Variants in SYNPR observed in about 807,000 individuals in gnomAD.
SYNPR encodes synaptoporin.
A neutral mutation model predicts 32.9 loss-of-function variants in SYNPR; 23 were observed. That is an observed-to-expected ratio of 0.70 (90% CI 0.50 to 0.99). SYNPR has a LOEUF of 0.99. Ranked by LOEUF, SYNPR falls within the 50% of genes least tolerant of loss-of-function variation. The pLI, the probability that SYNPR is intolerant of heterozygous loss-of-function variation, is 0.00. For missense variants in SYNPR, 318 were observed against 349.3 expected, an observed-to-expected ratio of 0.91 and a Z score of 0.71; for synonymous variants, 146 against 135.9, an observed-to-expected ratio of 1.07 and a Z score of -0.52.
chr3:63,549,032 A>G (rs1271597142), intron 3 of SYNPR, among the ~76,000 whole-genome samples: 1 of 152,228 alleles, frequency 6.6e-6, no homozygotes, highest in Non-Finnish European at 1.5e-5. Flanking sequence ...CTATTAAAAA[A>G]TCACACCACA....
chr3:63,475,082 T>C (rs1448130840), intron 2 of SYNPR, among the ~76,000 whole-genome samples: 1 of 152,210 alleles, frequency 6.6e-6, no homozygotes, highest in Non-Finnish European at 1.5e-5. Flanking sequence ...ACTGCAAAGA[T>C]ATCGTTACTG....
intron 4 of SYNPR, among the ~76,000 whole-genome samples, chr3:63,581,798 A>T (rs575589990): frequency 2.6e-5 from 4 of 152,204 alleles, no homozygotes; most frequent in African/African-American, 9.6e-5. Flanking sequence ...TATTACAAAA[A>T]AAAAAATTAA....
chr3:63,508,732 A>G (rs1701638011), intron 3 of SYNPR, among the ~76,000 whole-genome samples: 1 of 152,148 alleles, frequency 6.6e-6, no homozygotes, highest in Non-Finnish European at 1.5e-5. Flanking sequence ...TGATTGGTCC[A>G]ACCTGAACCA....
intron 2 of SYNPR, among the ~76,000 whole-genome samples, chr3:63,477,273 C>A (rs1700946736): frequency 6.6e-6 from 1 of 152,146 alleles, no homozygotes; most frequent in Non-Finnish European, 1.5e-5. Flanking sequence ...CGGGACCAGG[C>A]CACTGGCAGA....
At chr3:63,519,732 A>T (rs1701870270) in intron 3 of SYNPR, among the ~76,000 whole-genome samples, 1 of 152,246 alleles carries the variant, frequency 6.6e-6, no homozygotes, top group Admixed American at 6.5e-5. Flanking sequence ...GATGCTAAGC[A>T]GTAACATGCT....
chr3:63,288,492 A>G lies in SYNPR; in HGVS notation c.84+9750A>G, dbSNP rs17068105. Among the ~76,000 whole-genome samples the G allele has an allele frequency of 5.7e-3, 864 of 152,328 alleles. 8 individuals are homozygous for G. The highest frequency in any genetic ancestry group is 0.02 in the African/African-American group (826 of 41,572). ...GATTAGGGGATAGCTGAGTGGATTC[A>G]CACTGATAATATTATCCAAAGAGGT... On this transcript the variant is annotated intron_variant, in intron 2 of 5. Coordinates refer to ENST00000478300, the MANE Select transcript of SYNPR (RefSeq NM_001130003.2).
intron 2 of SYNPR, among the ~76,000 whole-genome samples, chr3:63,311,500 G>C (rs1002119797): frequency 2.0e-5 from 3 of 151,986 alleles, no homozygotes; most frequent in Admixed American, 6.6e-5. Context: ...GTGCAAGTGA[G>C]GGATCTAGGT....
chr3:63,562,291 A>G lies in SYNPR; in HGVS notation c.408+5550A>G, dbSNP rs144482803. On this transcript the variant is annotated intron_variant, in intron 4 of 5. Coordinates refer to ENST00000478300, the MANE Select transcript of SYNPR (RefSeq NM_001130003.2). ...TAAAGCAGATTTTTAAAAGCAACTT[A>G]TCTTACAAGACTGACAGAATGCTTG... Among the ~76,000 whole-genome samples the G allele has an allele frequency of 5.6e-4, 85 of 152,332 alleles. 1 individual carries two copies. In the Middle Eastern group the frequency reaches 0.01, roughly 18 times the overall value.
At chr3:63,361,541 T>C (rs887815936) in intron 2 of SYNPR, among the ~76,000 whole-genome samples, 2 of 142,314 alleles carry the variant, frequency 1.4e-5, no homozygotes, top group African/African-American at 2.7e-5. Context: ...GAGCTTGCAG[T>C]GAGCAGAGAT....
intron 2 of SYNPR, among the ~76,000 whole-genome samples, chr3:63,299,350 C>T (rs7644927): frequency 0.12 from 18,683 of 152,136 alleles, 1,260 homozygotes; most frequent in Non-Finnish European, 0.16. Context: ...TGCCCAATCT[C>T]TCTGACTCTT....
intron 3 of SYNPR, among the ~76,000 whole-genome samples, chr3:63,533,903 A>G (rs1372098426): frequency 6.6e-6 from 1 of 152,150 alleles, no homozygotes; most frequent in Non-Finnish European, 1.5e-5. Flanking sequence ...ACAAAAGAAG[A>G]GAGATTGAGT....
chr3:63,518,168 A>T (rs1460252564), intron 3 of SYNPR, among the ~76,000 whole-genome samples: 3 of 152,112 alleles, frequency 2.0e-5, no homozygotes, highest in Admixed American at 2.0e-4. Flanking sequence ...CTTTCACACC[A>T]AGTCTATCCC....
chr3:63,400,863 A>G (rs1290278883), intron 2 of SYNPR, among the ~76,000 whole-genome samples: 1 of 152,166 alleles, frequency 6.6e-6, no homozygotes, highest in Non-Finnish European at 1.5e-5. Context: ...AGAGCAATCT[A>G]AATTAATTAA....
chr3:63,372,358 G>A (rs1425346250), intron 2 of SYNPR, among the ~76,000 whole-genome samples: 1 of 151,412 alleles, frequency 6.6e-6, no homozygotes, highest in East Asian at 2.0e-4. Flanking sequence ...ATGGCTCTGT[G>A]TATCTCTGAG....
chr3:63,567,277 A>G (rs1219734449), intron 4 of SYNPR, among the ~76,000 whole-genome samples: 2 of 152,174 alleles, frequency 1.3e-5, no homozygotes, highest in African/African-American at 2.4e-5. Flanking sequence ...CAGAGAACAG[A>G]AGTTTGAATC....
intron 3 of SYNPR, among the ~76,000 whole-genome samples, chr3:63,269,703 T>C (rs114178972): frequency 2.2e-3 from 329 of 152,334 alleles, no homozygotes; most frequent in Non-Finnish European, 4.2e-3. Context: ...ACAGAACCGA[T>C]ATTCTAAGCA....
At chr3:63,498,642 C>T (rs951206076) in intron 3 of SYNPR, among the ~76,000 whole-genome samples, 2 of 152,064 alleles carry the variant, frequency 1.3e-5, no homozygotes, top group South Asian at 2.1e-4. Flanking sequence ...GGAGCAAAGG[C>T]GGGAAGAGGC....
At chr3:63,534,928 C>T (rs1371986615) in intron 3 of SYNPR, among the ~76,000 whole-genome samples, 1 of 152,074 alleles carries the variant, frequency 6.6e-6, no homozygotes, top group Non-Finnish European at 1.5e-5. Context: ...ACCCCAGCAC[C>T]TTCCACCAGG....
At chr3:63,411,546 G>A (rs1006164723) in intron 2 of SYNPR, among the ~76,000 whole-genome samples, 1 of 152,146 alleles carries the variant, frequency 6.6e-6, no homozygotes, top group Non-Finnish European at 1.5e-5. Context: ...TAACGACCAA[G>A]TGTGGGAGGT....
Sources: gnomAD v4.1 joint callset for allele counts (sites outside exome capture counted in the v4.1 genomes callset) on GRCh38, gnomAD v4.1.1 for gene constraint, MANE v1.5 for transcripts, NCBI Gene and HGNC (gene_info 2026-07-23, HGNC 2026-07-21) for gene names.